Variants in ARNT2 observed in about 807,000 individuals in gnomAD.
The protein encoded by ARNT2 is ARNT protein 2.
Under a neutral mutation model 91.7 loss-of-function variants are expected in ARNT2, and 36 were observed. The observed-to-expected ratio is 0.39, with a 90% CI of 0.30 to 0.52. The LOEUF (loss-of-function observed/expected upper bound fraction) is 0.52, where lower values mean the gene tolerates loss of function less well. Among genes scored for constraint, ARNT2 ranks in the 20% least tolerant of loss-of-function variants. ARNT2 has a pLI of 0.72. For missense variants in ARNT2, 775 were observed against 939.3 expected, an observed-to-expected ratio of 0.83 and a Z score of 2.29; for synonymous variants, 365 against 347.1, an observed-to-expected ratio of 1.05 and a Z score of -0.57.
intron 5 of ARNT2, among the ~76,000 whole-genome samples, chr15:80,506,079 G>C (rs1474855468): frequency 6.6e-6 from 1 of 152,002 alleles, no homozygotes; most frequent in African/African-American, 2.4e-5. Flanking sequence ...TGGGACTACA[G>C]GTGCCCGCCA....
chr15:80,512,487 G>T (rs941577392), intron 6 of ARNT2, among the ~76,000 whole-genome samples: 1 of 152,228 alleles, frequency 6.6e-6, no homozygotes, highest in Non-Finnish European at 1.5e-5. Flanking sequence ...CCCACAGACT[G>T]CCTGCCCCTC....
Position 80,593,608 on chromosome 15 carries a change from G to T in ARNT2, c.2064G>T (p.Leu688=). The change falls in exon 19 of 19, where the codon CTG becomes CTT. Residue 688 remains leucine, a synonymous_variant. Transcript: ENST00000303329. ...PGQTEVFQDM[L]PMPGDPTQGT... Reference sequence around the variant, plus strand: ...TTTCCTCTCCTCTGCAGGACATGCTGCCCATGCCAGGAGATCCAACCCAGG... The same window carrying T: ...TTTCCTCTCCTCTGCAGGACATGCTTCCCATGCCAGGAGATCCAACCCAGG... The T allele has an allele frequency of 2.5e-6, 4 of 1,597,336 alleles. No individual in the cohort carries two copies. Among genetic ancestry groups the T allele is most frequent in the Non-Finnish European group, 3.4e-6 (4 of 1,170,156 alleles).
At chr15:80,468,842 G>A (rs1404966001) in intron 3 of ARNT2, among the ~76,000 whole-genome samples, 1 of 152,180 alleles carries the variant, frequency 6.6e-6, no homozygotes, top group East Asian at 1.9e-4. Context: ...GTTCATGGTG[G>A]ATGGCTCAGG....
At chr15:80,549,393 A>T (rs1445877370) in intron 8 of ARNT2, among the ~76,000 whole-genome samples, 1 of 152,146 alleles carries the variant, frequency 6.6e-6, no homozygotes, top group African/African-American at 2.4e-5. Flanking sequence ...AATTTTTGAA[A>T]TTTTTAAATC....
chr15:80,542,058 G>A (rs911224595), intron 8 of ARNT2, among the ~76,000 whole-genome samples: 6 of 152,186 alleles, frequency 3.9e-5, no homozygotes, highest in African/African-American at 1.4e-4. Context: ...TGAGCCCAGT[G>A]TCCTGAGAAC....
chr15:80,475,284 G>A, intron 5 of ARNT2, 61 bp downstream of exon 5: 1 of 1,561,846 alleles, frequency 6.4e-7, no homozygotes, highest in South Asian at 1.1e-5. Flanking sequence ...GCTGGGCATG[G>A]TGGCTCACGC....
At chr15:80,564,991 G>A (rs1898451844) in intron 12 of ARNT2, among the ~76,000 whole-genome samples, 1 of 151,710 alleles carries the variant, frequency 6.6e-6, no homozygotes, top group Admixed American at 6.6e-5. Context: ...GTGGCACTAT[G>A]GGCTCATTGC....
At chr15:80,524,151 T>A (rs1897596632) in intron 8 of ARNT2, among the ~76,000 whole-genome samples, 1 of 152,070 alleles carries the variant, frequency 6.6e-6, no homozygotes, top group Admixed American at 6.5e-5. Flanking sequence ...ACTAAACATA[T>A]GGAAAAAGTT....
At chr15:80,463,991 A>G (rs1034884533) in intron 3 of ARNT2, among the ~76,000 whole-genome samples, 1 of 152,204 alleles carries the variant, frequency 6.6e-6, no homozygotes, top group Non-Finnish European at 1.5e-5. Flanking sequence ...ATTAACCCTG[A>G]TTTGAAATGA....
chr15:80,423,186 G>A (rs943425743), intron 1 of ARNT2, among the ~76,000 whole-genome samples: 1 of 152,124 alleles, frequency 6.6e-6, no homozygotes, highest in East Asian at 1.9e-4. Flanking sequence ...GTACATGAGG[G>A]GACACATGAA....
At chr15:80,508,057 C>T in intron 5 of ARNT2, 99 bp from the exon 6 acceptor site, 2 of 1,134,064 alleles carry the variant, frequency 1.8e-6, no homozygotes, top group Non-Finnish European at 2.6e-6. Flanking sequence ...CACTTGTCCT[C>T]ATTTGGCAGA....
At chr15:80,490,067 C>G (rs892247323) in intron 5 of ARNT2, among the ~76,000 whole-genome samples, 1 of 151,936 alleles carries the variant, frequency 6.6e-6, no homozygotes, top group Non-Finnish European at 1.5e-5. Flanking sequence ...CCTACCTAGT[C>G]AGGGATTCGT....
intron 8 of ARNT2, among the ~76,000 whole-genome samples, chr15:80,534,394 A>C: frequency 6.6e-6 from 1 of 152,162 alleles, no homozygotes; most frequent in Non-Finnish European, 1.5e-5. Context: ...GATATAGAAA[A>C]CTTTGCGAAA....
At chr15:80,516,410 G>T (rs1897435487) in intron 8 of ARNT2, among the ~76,000 whole-genome samples, 1 of 152,096 alleles carries the variant, frequency 6.6e-6, no homozygotes, top group South Asian at 2.1e-4. Flanking sequence ...TATTTTCAAA[G>T]AAAAGTGTTC....
intron 8 of ARNT2, among the ~76,000 whole-genome samples, chr15:80,531,861 C>A (rs2141442157): frequency 6.6e-6 from 1 of 152,302 alleles, no homozygotes; most frequent in Non-Finnish European, 1.5e-5. Context: ...GGTTCTGAAT[C>A]TCAGCTGACC....
intron 2 of ARNT2, among the ~76,000 whole-genome samples, chr15:80,456,826 C>T (rs1896488194): frequency 6.6e-6 from 1 of 152,038 alleles, no homozygotes; most frequent in African/African-American, 2.4e-5. Flanking sequence ...TTAATACACA[C>T]TCCATTCTGA....
At chr15:80,438,838 C>T (rs866388119) in intron 1 of ARNT2, among the ~76,000 whole-genome samples, 4 of 152,132 alleles carry the variant, frequency 2.6e-5, no homozygotes, top group African/African-American at 7.2e-5. Flanking sequence ...TATAGGCACA[C>T]GCCACCACGC....
chr15:80,467,862 G>A (rs1896678306), intron 3 of ARNT2, among the ~76,000 whole-genome samples: 1 of 152,196 alleles, frequency 6.6e-6, no homozygotes, highest in Non-Finnish European at 1.5e-5. Flanking sequence ...ACCCAGTTCA[G>A]GGTGGGCTGC....
chr15:80,579,487 C>G (rs1353048033), intron 15 of ARNT2, among the ~76,000 whole-genome samples: 1 of 152,150 alleles, frequency 6.6e-6, no homozygotes, highest in African/African-American at 2.4e-5. Flanking sequence ...CCAATCTCTG[C>G]TGATCTCTGG....
Sources: gnomAD v4.1 joint callset for allele counts (sites outside exome capture counted in the v4.1 genomes callset) on GRCh38, gnomAD v4.1.1 for gene constraint, MANE v1.5 for transcripts, NCBI Gene and HGNC (gene_info 2026-07-23, HGNC 2026-07-21) for gene names.